The following OC90 variants were observed in gnomAD, a reference collection of about 807,000 sequenced individuals.
The protein encoded by OC90 is otoconin 90.
OC90 carries 46 observed loss-of-function variants against 47.3 expected under a neutral mutation model. The ratio of observed to expected loss-of-function variants is 0.97; its 90% CI spans 0.77 to 1.24. OC90 has a LOEUF of 1.24. OC90 is among the 50% of genes most tolerant of loss of function. The pLI is 0.00. For synonymous variants in OC90, 271 were observed against 219.5 expected, an observed-to-expected ratio of 1.23 and a Z score of -2.07; for missense variants, 688 against 583.9, an observed-to-expected ratio of 1.18 and a Z score of -1.84.
At chr8:132,052,371 A>C (rs1823224402) in intron 2 of OC90, among the ~76,000 whole-genome samples, 1 of 152,200 alleles carries the variant, frequency 6.6e-6, no homozygotes, top group Non-Finnish European at 1.5e-5. Context: ...GCAGCTAAGA[A>C]TATCTGCGGC....
At chr8:132,039,262 G>C in intron 6 of OC90, 139 bp from the exon 7 acceptor site, 1 of 917,426 alleles carries the variant, frequency 1.1e-6, no homozygotes, top group Non-Finnish European at 1.7e-6. Context: ...ATTCATGTCA[G>C]CTCTTATCTC....
chr8:132,055,653 C>G (rs1309402997), intron 1 of OC90, among the ~76,000 whole-genome samples: 1 of 152,216 alleles, frequency 6.6e-6, no homozygotes, highest in African/African-American at 2.4e-5. Context: ...GCAAACAAAG[C>G]TTTTCCGGCA....
intron 2 of OC90, among the ~76,000 whole-genome samples, chr8:132,046,614 C>T (rs1823137127): frequency 6.6e-6 from 1 of 152,142 alleles, no homozygotes; most frequent in South Asian, 2.1e-4. Flanking sequence ...AGTTGGAATC[C>T]CAGGTTCAAC....
In OC90 at chr8:132,036,393, T is replaced by C. The variant is rs776002401; in HGVS notation, c.679+1045A>G. ...TACTTTTCTTGGAGAGAGTGATCAGTCTGTCAGCCTCAGTCTCTGCAGCCA... is the reference window on the plus strand; with the variant it reads ...TACTTTTCTTGGAGAGAGTGATCAGCCTGTCAGCCTCAGTCTCTGCAGCCA... On this transcript the variant is annotated intron_variant, in intron 9 of 13. Coordinates refer to ENST00000254627, the MANE Select transcript of OC90 (RefSeq NM_001080399.3). 14 of 780,736 alleles carry C rather than the reference T, an allele frequency of 1.8e-5. No individual in the cohort carries two copies. The African/African-American group carries it at 2.2e-4, about 12-fold the overall frequency. 48.4% of individuals were successfully genotyped at this position (780,736 alleles called of 1,614,324 possible).
intron 4 of OC90, among the ~76,000 whole-genome samples, chr8:132,043,326 G>T (rs778689271): frequency 2.0e-5 from 3 of 152,206 alleles, no homozygotes; most frequent in Admixed American, 2.0e-4. Context: ...GATGTTTTCT[G>T]TCACTGCCAA....
At chr8:132,042,965 G>A (rs1236155785) in intron 4 of OC90, among the ~76,000 whole-genome samples, 2 of 152,334 alleles carry the variant, frequency 1.3e-5, no homozygotes, top group African/African-American at 2.4e-5. Flanking sequence ...ACATGCATCT[G>A]TATGTTCATT....
chr8:132,058,144 G>A lies in OC90; in HGVS notation c.-48+1197C>T, dbSNP rs116704248. On this transcript the variant is annotated intron_variant, in intron 1 of 13. Coordinates refer to ENST00000254627, the MANE Select transcript of OC90 (RefSeq NM_001080399.3). ...GAAGGAAAGTCAGTGCCAGCTAGAA[G>A]GTGCCAGTTAGAAGCACGTGGTCAG... 1.9e-3 allele frequency among the ~76,000 whole-genome samples: 289 copies of A among 152,334 alleles called. 2 individuals carry two copies. Among genetic ancestry groups the A allele is most frequent in the African/African-American group, 6.2e-3 (259 of 41,588 alleles).
intron 2 of OC90, among the ~76,000 whole-genome samples, chr8:132,050,463 G>A (rs982965765): frequency 1.3e-5 from 2 of 152,078 alleles, no homozygotes; most frequent in Non-Finnish European, 1.5e-5. Flanking sequence ...AAGATCCCAG[G>A]GATGTTCATG....
intron 2 of OC90, 57 bp from the exon 3 acceptor site, chr8:132,045,940 T>C (rs1451214144): frequency 1.0e-6 from 1 of 988,172 alleles, no homozygotes; most frequent in Non-Finnish European, 1.6e-6. Flanking sequence ...ATTCACTTGC[T>C]GGACTAAGGC....
chr8:132,037,339 A>G, intron 9 of OC90, 99 bp downstream of exon 9: 1 of 983,690 alleles, frequency 1.0e-6, no homozygotes, highest in Admixed American at 2.0e-5. Flanking sequence ...TGTTCTTGTG[A>G]TAGTGAGTTC....
chr8:132,054,865 G>A, intron 2 of OC90, 116 bp downstream of exon 2: 1 of 599,538 alleles, frequency 1.7e-6, no homozygotes, highest in Non-Finnish European at 2.8e-6. Flanking sequence ...AGAAAGATAA[G>A]GACATTTAAA....
chr8:132,051,577 T>C (rs1366267157), intron 2 of OC90, among the ~76,000 whole-genome samples: 1 of 152,224 alleles, frequency 6.6e-6, no homozygotes, highest in East Asian at 1.9e-4. Flanking sequence ...TTCTCATCTG[T>C]AGAATGGGGC....
rs768565457 is a variant in OC90 at position 132,031,936 on chromosome 8, A to G, written c.976T>C (p.Tyr326His). 6.2e-7 allele frequency: 1 copy of G among 1,613,962 alleles called. No homozygotes were observed. Among genetic ancestry groups the G allele is most frequent in the South Asian group, 1.1e-5 (1 of 91,088 alleles). ...CCTTCTTGTCCACAGTAACAGCCAT[A>G]AGACTCAAATTCCTCCGGGCACCGG... Reference protein sequence around the residue: ...TSRCPEEFESYGCYCGQEGRG... With the variant: ...TSRCPEEFESHGCYCGQEGRG... Residue 326 changes from tyrosine to histidine, a missense_variant, in exon 12 of 14, where the codon TAT (tyrosine) becomes CAT (histidine). By Grantham distance (83) the Tyr-to-His change is moderately conservative. Transcript: ENST00000254627.
At chr8:132,036,130 G>T (rs1175243752) in intron 9 of OC90, among the ~76,000 whole-genome samples, 2 of 152,194 alleles carry the variant, frequency 1.3e-5, no homozygotes, top group African/African-American at 2.4e-5. Context: ...ATAAAGGAAA[G>T]AAATAGTCTT....
In OC90 at chr8:132,037,484, A is replaced by AACC. The variant is rs1332385504; in HGVS notation, c.630_632dup (p.Val211dup). The AACC allele has an allele frequency of 1.9e-6, 3 of 1,577,152 alleles. No individual in the cohort carries two copies. Among genetic ancestry groups the AACC allele is most frequent in the South Asian group, 1.2e-5 (1 of 85,876 alleles). On this transcript the variant is annotated inframe_insertion, in exon 9 of 14. Coordinates refer to ENST00000254627, the MANE Select transcript of OC90 (RefSeq NM_001080399.3). ...GGCTGGTGTCTGTGGGCTCCACAGG[A>AACC]ACCACTGGAAAAAGAGAGTTCCCAA...
chr8:132,029,079 G>A lies in OC90; in HGVS notation c.1132C>T (p.Pro378Ser). The change falls in exon 13 of 14, where the codon CCC (proline) becomes TCC (serine). Residue 378 changes from proline (P) to serine (S), a missense_variant. Pro to Ser is a moderately conservative substitution (Grantham distance 74). Coordinates refer to ENST00000254627, the MANE Select transcript of OC90 (RefSeq NM_001080399.3). ...WSPVVCVDHT[P>S]KCGGQSLCEK... ...TGCAACCAACAGCACTTACACTTGG[G>A]CGTATGATCCACACACACCACCGGT... 1 of 1,610,722 alleles carries A rather than the reference G, an allele frequency of 6.2e-7. No individual in the cohort carries two copies. Among genetic ancestry groups the A allele is most frequent in the Non-Finnish European group, 8.5e-7 (1 of 1,176,922 alleles).
rs1310454349 is a variant in OC90 at position 132,038,812 on chromosome 8, G to T, written c.606C>A (p.Asp202Glu). 6.2e-7 allele frequency: 1 copy of T among 1,613,896 alleles called. No individual in the cohort carries two copies. The highest frequency in any genetic ancestry group is 1.7e-5 in the Admixed American group (1 of 60,032). Residue 202 changes from aspartate (D) to glutamate (E), a missense_variant, in exon 8 of 14, where the codon GAC (aspartate) becomes GAA (glutamate). Coordinates refer to ENST00000254627, the MANE Select transcript of OC90 (RefSeq NM_001080399.3). Reference protein sequence around the residue: ...AQTPETTIKEDLTTLLPRVVP... With the variant: ...AQTPETTIKEELTTLLPRVVP... The stretch of plus-strand genomic sequence containing the variant: ...TACCTCTGGGCAGAAGTGTTGTCAA[G>T]TCTTCCTTGATGGTTGTCTCTGAAA...
intron 2 of OC90, among the ~76,000 whole-genome samples, chr8:132,051,527 G>A (rs1238956712): frequency 1.3e-5 from 2 of 152,172 alleles, no homozygotes; most frequent in African/African-American, 2.4e-5. Flanking sequence ...TCTTGGTTTT[G>A]TTACCAGGAG....
chr8:132,056,935 C>A (rs1427780323), intron 1 of OC90, among the ~76,000 whole-genome samples: 1 of 152,150 alleles, frequency 6.6e-6, no homozygotes, highest in Non-Finnish European at 1.5e-5. Flanking sequence ...ATCTTCCAGT[C>A]CAAGCTCCTG....
Sources: gnomAD v4.1 joint callset for allele counts (sites outside exome capture counted in the v4.1 genomes callset) on GRCh38, gnomAD v4.1.1 for gene constraint, MANE v1.5 for transcripts, NCBI Gene and HGNC (gene_info 2026-07-23, HGNC 2026-07-21) for gene names.